The following DEK variants were observed in gnomAD, a reference collection of about 807,000 sequenced individuals.
DEK encodes DEK proto-oncogene.
Under a neutral mutation model 46.8 loss-of-function variants are expected in DEK, and 28 were observed. The ratio of observed to expected loss-of-function variants is 0.60; its 90% CI spans 0.44 to 0.82. DEK has a LOEUF of 0.82. DEK is among the 40% of genes least tolerant of loss of function. The pLI, the probability that DEK is intolerant of heterozygous loss-of-function variation, is 0.00. For missense variants in DEK, 416 were observed against 430.6 expected (o/e 0.97, Z 0.30); for synonymous variants, 160 against 144.5 (o/e 1.11, Z -0.77).
chr6:18,241,071 G>T lies in DEK; in HGVS notation c.763-3555C>A, dbSNP rs372754357. ...AGTCTCTTTTTTAGATTAATGCTGAGTTAAGAAATCATGAAAGCTGAACAG... is the reference window on the plus strand; with the variant it reads ...AGTCTCTTTTTTAGATTAATGCTGATTTAAGAAATCATGAAAGCTGAACAG... On this transcript the variant is annotated intron_variant, in intron 7 of 10. Transcript: ENST00000652689. Among the ~76,000 whole-genome samples the T allele has an allele frequency of 2.6e-4, 39 of 152,318 alleles. No homozygotes were observed. The South Asian group carries it at 7.9e-3, about 31-fold the overall frequency.
chr6:18,259,323 A>G (rs1393988280), intron 2 of DEK, among the ~76,000 whole-genome samples: 1 of 138,112 alleles, frequency 7.2e-6, no homozygotes, highest in South Asian at 2.5e-4. Context: ...TGAACCCAGG[A>G]GGCGGAGCTT....
At chr6:18,228,735 C>G (rs556199235) in intron 9 of DEK, among the ~76,000 whole-genome samples, 4 of 152,376 alleles carry the variant, frequency 2.6e-5, no homozygotes, top group East Asian at 3.9e-4. Flanking sequence ...TATCCCGCGC[C>G]TGGCTCGGAG....
At chr6:18,226,485 T>C (rs1790128945) in intron 9 of DEK, among the ~76,000 whole-genome samples, 1 of 152,198 alleles carries the variant, frequency 6.6e-6, no homozygotes, top group Non-Finnish European at 1.5e-5. Flanking sequence ...ATGAATTAAC[T>C]AACCATAAAC....
At chr6:18,243,292 GGTA>G (rs1423445051) in intron 7 of DEK, among the ~76,000 whole-genome samples, 7 of 151,700 alleles carry the variant, frequency 4.6e-5, no homozygotes, top group African/African-American at 1.7e-4. Flanking sequence ...CTTACTGAGT[GGTA>G]CTTCCTGGAA....
chr6:18,232,712 G>A (rs1406409763), intron 9 of DEK, among the ~76,000 whole-genome samples: 2 of 152,004 alleles, frequency 1.3e-5, no homozygotes, highest in Admixed American at 6.6e-5. Context: ...AAATAAAAGA[G>A]GACACAAACA....
At chr6:18,246,389 T>C (rs1314332103) in intron 7 of DEK, among the ~76,000 whole-genome samples, 1 of 152,208 alleles carries the variant, frequency 6.6e-6, no homozygotes, top group Non-Finnish European at 1.5e-5. Flanking sequence ...GAATACTCTT[T>C]TATTTAATTA....
At chr6:18,253,954 C>T (rs868476107) in intron 6 of DEK, among the ~76,000 whole-genome samples, 1 of 152,074 alleles carries the variant, frequency 6.6e-6, no homozygotes, top group African/African-American at 2.4e-5. Flanking sequence ...CCACCTGCCT[C>T]GGCCTCCCAA....
In DEK at chr6:18,225,703, T is replaced by C; in HGVS notation, c.*16A>G. On this transcript the variant is annotated 3_prime_UTR_variant, in exon 11 of 11. Transcript: ENST00000652689. ...TTCAAATCTATGGGAACGAGTCATC[T>C]TCTCTGTCCTCTATCTCAAGAAATT... is the stretch of plus-strand genomic sequence containing the variant. The C allele has an allele frequency of 1.9e-6, 3 of 1,612,126 alleles. No homozygotes were observed. Among genetic ancestry groups the C allele is most frequent in the Non-Finnish European group, 2.5e-6 (3 of 1,178,946 alleles).
rs1266232783 is a variant in DEK, at chr6:18,224,127, G to T, written c.*1592C>A. 1 of 167,746 alleles carries T rather than the reference G, an allele frequency of 6.0e-6. No homozygotes were observed. Among genetic ancestry groups the T allele is most frequent in the East Asian group, 1.2e-4 (1 of 8,652 alleles). 10.4% of individuals were successfully genotyped at this position (167,746 alleles called of 1,614,324 possible). ...CCCTTTTCAGAATTATTCCCCATAA[G>T]GAAATGCTATATACACCTATAAGAT... On this transcript the variant is annotated 3_prime_UTR_variant, in exon 11 of 11. Transcript: ENST00000652689.
chr6:18,231,046 A>G (rs1384927286), intron 9 of DEK, among the ~76,000 whole-genome samples: 1 of 152,214 alleles, frequency 6.6e-6, no homozygotes, highest in Non-Finnish European at 1.5e-5. Flanking sequence ...ATCAAACTAG[A>G]ACTCAGGATT....
intron 9 of DEK, among the ~76,000 whole-genome samples, chr6:18,232,347 T>C (rs1790448544): frequency 6.6e-6 from 1 of 152,190 alleles, no homozygotes; most frequent in Non-Finnish European, 1.5e-5. Flanking sequence ...AACATAGTGC[T>C]GGAAGTTCTG....
chr6:18,255,589 G>T, intron 6 of DEK, 142 bp downstream of exon 6: 1 of 970,464 alleles, frequency 1.0e-6, no homozygotes, highest in Non-Finnish European at 1.5e-6. Flanking sequence ...GGAAATTACT[G>T]CAGATACGTC....
rs1790072562 is a variant in DEK at position 18,225,500 on chromosome 6, AATGCC to A, written c.*214_*218del. The A allele has an allele frequency of 6.3e-6, 3 of 475,526 alleles. No individual in the cohort carries two copies. Among genetic ancestry groups the A allele is most frequent in the African/African-American group, 6.0e-5 (3 of 50,124 alleles). The allele number at this position is 475,526 out of a possible 1,614,324, so 29.5% of individuals were successfully genotyped here. A position where few individuals can be genotyped will look rare whatever the true frequency, so the allele number is the denominator to read the frequency against. ...ACAACTATAAAAGCAAGGAACAATTAATGCCATGCAAGATTTTAAACTAAAAATGG... is the reference window on the plus strand; with the variant it reads ...ACAACTATAAAAGCAAGGAACAATTAATGCAAGATTTTAAACTAAAAATGG... On this transcript the variant is annotated 3_prime_UTR_variant, in exon 11 of 11. Transcript: ENST00000652689.
intron 7 of DEK, among the ~76,000 whole-genome samples, chr6:18,240,102 A>T (rs1468131575): frequency 4.6e-5 from 7 of 152,198 alleles, no homozygotes; most frequent in Non-Finnish European, 1.0e-4. Flanking sequence ...TTGCCATTAA[A>T]ATTTTAGATG....
Position 18,225,661 on chromosome 6 carries a change from A to T in DEK, c.*58T>A. The T allele has an allele frequency of 6.3e-7, 1 of 1,575,082 alleles. No homozygotes were observed. The highest frequency in any genetic ancestry group is 8.7e-7 in the Non-Finnish European group (1 of 1,152,966). ...GAAATACATTCTCTTTGCTGGTATA[A>T]TGGTATAAATCAGATCTTCAAATCT... is the stretch of plus-strand genomic sequence containing the variant. On this transcript the variant is annotated 3_prime_UTR_variant, in exon 11 of 11. Coordinates refer to ENST00000652689, the MANE Select transcript of DEK (RefSeq NM_003472.4).
chr6:18,229,691 A>C (rs924198185), intron 9 of DEK, among the ~76,000 whole-genome samples: 22 of 152,222 alleles, frequency 1.4e-4, no homozygotes, highest in African/African-American at 5.3e-4. Flanking sequence ...AAGAGTAAAA[A>C]GAAACAAACA....
chr6:18,257,540 G>A (rs992449225), intron 4 of DEK, among the ~76,000 whole-genome samples: 5 of 152,034 alleles, frequency 3.3e-5, no homozygotes, highest in Non-Finnish European at 7.4e-5. Flanking sequence ...GCAAAACCCT[G>A]CCTCTACAAA....
At chr6:18,227,916 C>T (rs2151076026) in intron 9 of DEK, among the ~76,000 whole-genome samples, 1 of 152,304 alleles carries the variant, frequency 6.6e-6, no homozygotes, top group African/African-American at 2.4e-5. Context: ...TTCCTCTACT[C>T]CACTGCTCAG....
At position 18,230,136 on chromosome 6, in the gene DEK, T is replaced by C. The variant is rs886157350; in HGVS notation, c.1048-3894A>G. 4.1e-4 allele frequency among the ~76,000 whole-genome samples: 62 copies of C among 152,228 alleles called. 1 individual carries two copies. The highest frequency in any genetic ancestry group is 1.4e-3 in the African/African-American group (57 of 41,528). ...TCATATCCAGCTAAACCAAGCTTCA[T>C]AAGTGAAGGAGAAATAAAATCCTTT... On this transcript the variant is annotated intron_variant, in intron 9 of 10. Coordinates refer to ENST00000652689, the MANE Select transcript of DEK (RefSeq NM_003472.4).
Sources: gnomAD v4.1 joint callset for allele counts (sites outside exome capture counted in the v4.1 genomes callset) on GRCh38, gnomAD v4.1.1 for gene constraint, MANE v1.5 for transcripts, NCBI Gene and HGNC (gene_info 2026-07-23, HGNC 2026-07-21) for gene names.